Variants in NBPF12 observed in about 807,000 individuals in gnomAD.
The protein encoded by NBPF12 is NBPF family member NBPF12.
NBPF12 carries 115 observed loss-of-function variants against 146.4 expected under a neutral mutation model. The observed-to-expected ratio is 0.79, with a 90% confidence interval of 0.68 to 0.92. The LOEUF (loss-of-function observed/expected upper bound fraction) is 0.92, where lower values mean the gene tolerates loss of function less well. NBPF12 is among the 40% of genes least tolerant of loss of function. The pLI is 0.00. For missense variants in NBPF12, 1,205 were observed against 1,326.8 expected, an observed-to-expected ratio of 0.91 and a Z score of 1.43; for synonymous variants, 385 against 508.9, an observed-to-expected ratio of 0.76 and a Z score of 3.28.
rs1553885983 is a variant in NBPF12 at position 146,968,868 on chromosome 1, C to T, written c.1091+318C>T. ...GTATACTCAAAATGGTGTGCCATCA[C>T]GACCCCACTTACCCTTAGTGAGAAT... On this transcript the variant is annotated intron_variant, in intron 10 of 33. Transcript: ENST00000617844. Among the ~76,000 whole-genome samples, 69 of 151,374 alleles carry T rather than the reference C, an allele frequency of 4.6e-4. 1 individual carries two copies. Among genetic ancestry groups the T allele is most frequent in the Admixed American group, 3.7e-3 (56 of 15,252 alleles).
chr1:146,984,291 A>G (rs1258780330), intron 21 of NBPF12, 106 bp downstream of exon 24: 7 of 802,474 alleles, frequency 8.7e-6, no homozygotes, highest in African/African-American at 8.4e-5. Context: ...CTTGTCAGAC[A>G]AGTCTGAATT....
intron 19 of NBPF12, among the ~76,000 whole-genome samples, chr1:146,981,645 A>G (rs1657402997): frequency 6.6e-6 from 1 of 151,790 alleles, no homozygotes; most frequent in Non-Finnish European, 1.5e-5. Flanking sequence ...ATCCTGAAGA[A>G]TGTTTCCCAG....
At position 146,989,560 on chromosome 1, in the gene NBPF12, T is replaced by A. The variant is rs1658017742; in HGVS notation, c.3399-14T>A. The A allele has an allele frequency of 1.4e-6, 2 of 1,395,660 alleles. No homozygotes were observed. The highest frequency in any genetic ancestry group is 2.0e-6 in the Non-Finnish European group (2 of 1,007,808). 86.5% of individuals were successfully genotyped at this position (1,395,660 alleles called of 1,614,324 possible). A position where few individuals can be genotyped will look rare whatever the true frequency, so the allele number is the denominator to read the frequency against. On this transcript the variant is annotated splice_polypyrimidine_tract_variant and intron_variant, in intron 27 of 33. Transcript: ENST00000617844. ...TTCCCCCTGGCTTATTCTTTACTTT[T>A]TCCCACTTTCCAGGCTCAGCAGGGA...
In NBPF12 at chr1:146,994,374, G is replaced by T. The variant is rs200052115; in HGVS notation, c.4173G>T (p.Leu1391Phe). ...TGGAAGTGGAAGAGCCTGAAGTCTT[G>T]CAGGACTCACTGGATAGATGTTATT... The change falls in exon 34 of 34, where the codon TTG becomes TTT. Residue 1391 changes from leucine to phenylalanine, a missense_variant. Around this residue, in one of 16 missense-constraint regions of NBPF12, gnomAD observed 210 missense variants for 94.4 expected, o/e 2.22. Coordinates refer to ENST00000617844, the Ensembl canonical transcript of NBPF12. The T allele has an allele frequency of 2.7e-5, 43 of 1,612,314 alleles. 1 individual carries two copies. The highest frequency in any genetic ancestry group is 2.5e-4 in the African/African-American group (19 of 74,820).
In NBPF12 at chr1:146,969,659, A is replaced by G. The variant is rs1473332137; in HGVS notation, c.1306+63A>G. 10 of 1,538,038 alleles carry G rather than the reference A, an allele frequency of 6.5e-6. No individual in the cohort carries two copies. The Admixed American group carries it at 1.7e-4, about 26-fold the overall frequency. On this transcript the variant is annotated intron_variant, in intron 11 of 33. Coordinates refer to ENST00000617844, the Ensembl canonical transcript of NBPF12. ...GGCTTATGAGAGGCTCCAGACCTCC[A>G]TACTTTCACAATGACAGTTGTATCA...
rs1207824290 is a variant in NBPF12, at chr1:146,942,179, G to C, written c.-821-1112G>C. 8.1e-4 allele frequency among the ~76,000 whole-genome samples: 122 copies of C among 151,508 alleles called. 3 individuals carry two copies. The highest frequency in any genetic ancestry group is 2.9e-3 in the African/African-American group (120 of 40,904). On this transcript the variant is annotated intron_variant, in intron 1 of 35. Transcript: ENST00000617931. ...GCTAATTTTTTATTTTTTGTAGACA[G>C]GGTCTTCCTATGGTGCCCAGACTAG...
At chr1:146,970,815 C>A (rs1455816846) in intron 12 of NBPF12, 96 bp downstream of exon 15, 1 of 1,124,996 alleles carries the variant, frequency 8.9e-7, no homozygotes, top group South Asian at 1.2e-5. Context: ...GCCAAAAGCC[C>A]GCATTCCCTT....
chr1:146,967,044 G>T (rs1656256860), intron 9 of NBPF12, among the ~76,000 whole-genome samples: 2 of 151,436 alleles, frequency 1.3e-5, no homozygotes, highest in South Asian at 2.1e-4. Context: ...TGAGACTAGT[G>T]AACTTTTATT....
chr1:146,984,309 C>T, intron 21 of NBPF12, 124 bp downstream of exon 24: 2 of 770,194 alleles, frequency 2.6e-6, no homozygotes, highest in Non-Finnish European at 4.7e-6. Context: ...ATTATGCCTA[C>T]TGCATTGTTT....
At chr1:146,956,291 A>T (rs1261603837) in intron 2 of NBPF12, among the ~76,000 whole-genome samples, 3 of 152,028 alleles carry the variant, frequency 2.0e-5, no homozygotes, top group Non-Finnish European at 4.4e-5. Context: ...ATTTGTAGAA[A>T]ATGGTTAAAA....
intron 19 of NBPF12, among the ~76,000 whole-genome samples, chr1:146,981,437 G>A (rs1327120883): frequency 1.3e-5 from 2 of 151,146 alleles, no homozygotes; most frequent in Non-Finnish European, 2.9e-5. Context: ...CTAGTCTGAT[G>A]GGCTTCCCTT....
Position 146,973,300 on chromosome 1 carries a change from T to C in NBPF12, c.1801+340T>C, listed in dbSNP as rs1656774776. On this transcript the variant is annotated intron_variant, in intron 14 of 33. Coordinates refer to ENST00000617844, the Ensembl canonical transcript of NBPF12. ...TAAGATCCTGCAGACAAATAACATC[T>C]AGTCTGTTGTTCTAAATGTCTGAGA... 4.0e-5 allele frequency among the ~76,000 whole-genome samples: 6 copies of C among 151,578 alleles called. No homozygotes were observed. The East Asian group carries it at 7.7e-4, about 19-fold the overall frequency.
chr1:146,969,704 C>T, intron 11 of NBPF12, 108 bp downstream of exon 14: 2 of 1,567,920 alleles, frequency 1.3e-6, no homozygotes, highest in Admixed American at 1.7e-5. Context: ...TTTTCTACTA[C>T]ACATGTGTGG....
At chr1:146,980,705 T>C (rs1284299823) in intron 19 of NBPF12, among the ~76,000 whole-genome samples, 2 of 151,522 alleles carry the variant, frequency 1.3e-5, no homozygotes. Context: ...GTTCAACGAT[T>C]GTGGAAGGCA....
chr1:146,971,713 C>T (rs1342031189), intron 13 of NBPF12, among the ~76,000 whole-genome samples: 1,827 of 150,526 alleles, frequency 0.012, 85 homozygotes, highest in African/African-American at 0.043. Flanking sequence ...TCGGCTAACA[C>T]GATCCTCCCA....
chr1:146,957,673 T>A (rs1655653881), intron 2 of NBPF12: 1 of 133,330 alleles, frequency 7.5e-6, no homozygotes, highest in Admixed American at 7.7e-5. Flanking sequence ...GGTGTCCACC[T>A]GGCCTTTGCG....
chr1:146,964,880 C>T lies in NBPF12; in HGVS notation c.567-13C>T. 1.3e-6 allele frequency: 2 copies of T among 1,560,886 alleles called. No homozygotes were observed. The highest frequency in any genetic ancestry group is 1.8e-6 in the Non-Finnish European group (2 of 1,135,342). ...TTAATCTTCTGTCATCTCTGTCCCA[C>T]CTGGCTCATCAGGGAGGTGCAGAAG... is the stretch of plus-strand genomic sequence containing the variant. On this transcript the variant is annotated splice_polypyrimidine_tract_variant and intron_variant, in intron 7 of 33. Transcript: ENST00000617844.
At chr1:146,961,525 A>C (rs1429792740) in intron 4 of NBPF12, among the ~76,000 whole-genome samples, 3 of 152,154 alleles carry the variant, frequency 2.0e-5, no homozygotes, top group Non-Finnish European at 2.9e-5. Flanking sequence ...AATTAACACA[A>C]ACTAATCTTA....
At chr1:146,981,161 A>T (rs1657348380) in intron 19 of NBPF12, among the ~76,000 whole-genome samples, 1 of 135,078 alleles carries the variant, frequency 7.4e-6, no homozygotes. Flanking sequence ...GGGTAGCATT[A>T]GGAGATATAC....
Sources: gnomAD v4.1 joint callset for allele counts (sites outside exome capture counted in the v4.1 genomes callset) on GRCh38, gnomAD v4.1.1 for gene constraint, gnomAD v4.1.1 regional missense constraint, MANE v1.5 for transcripts, NCBI Gene and HGNC (gene_info 2026-07-23, HGNC 2026-07-21) for gene names.